The following JHY variants were observed in gnomAD, a reference collection of about 807,000 sequenced individuals.
The protein encoded by JHY is jhy protein homolog.
In JHY, 69 loss-of-function variants were observed where a neutral mutation model predicts 78.0. The ratio of observed to expected loss-of-function variants is 0.88; its 90% CI spans 0.73 to 1.08. The LOEUF is 1.08. Ranked by LOEUF, JHY falls within the 50% of genes least tolerant of loss-of-function variation. JHY has a pLI of 0.00. For missense variants in JHY, 944 were observed against 927.8 expected (o/e 1.02, Z -0.23); for synonymous variants, 368 against 342.6 (o/e 1.07, Z -0.82).
chr11:122,941,659 A>G (rs1454669936), intron 5 of JHY, among the ~76,000 whole-genome samples: 3 of 152,196 alleles, frequency 2.0e-5, no homozygotes, highest in Admixed American at 2.0e-4. Flanking sequence ...ACATACAGTT[A>G]AATTCATTTG....
intron 2 of JHY, among the ~76,000 whole-genome samples, chr11:122,889,814 A>C (rs556011244): frequency 2.0e-5 from 3 of 152,164 alleles, no homozygotes; most frequent in Non-Finnish European, 4.4e-5. Context: ...GCTAGAGTGA[A>C]GTGGCACGAT....
chr11:122,907,939 C>G lies in JHY; in HGVS notation c.864+3495C>G, dbSNP rs909347459. 4.7e-5 allele frequency among the ~76,000 whole-genome samples: 7 copies of G among 149,136 alleles called. No homozygotes were observed. The East Asian group carries it at 1.4e-3, about 30-fold the overall frequency. On this transcript the variant is annotated intron_variant, in intron 3 of 8. Coordinates refer to ENST00000227349, the MANE Select transcript of JHY (RefSeq NM_024806.4). ...TTTCTTTTTTGTTTTTTTTATAAAA[C>G]TCCTTGAGTATTTCTAATGTGAAGC...
At chr11:122,953,032 TTGTGGC>T (rs1222450483) in intron 6 of JHY, among the ~76,000 whole-genome samples, 1 of 152,248 alleles carries the variant, frequency 6.6e-6, no homozygotes, top group African/African-American at 2.4e-5. Flanking sequence ...AAGAGCAATC[TTGTGGC>T]TCCATTGTTA....
intron 3 of JHY, among the ~76,000 whole-genome samples, chr11:122,914,508 G>A (rs532420736): frequency 1.3e-5 from 2 of 152,082 alleles, no homozygotes; most frequent in East Asian, 1.9e-4. Flanking sequence ...GCAGTGATGC[G>A]ATCTCCGCTC....
At chr11:122,899,559 A>T (rs1230185263) in intron 2 of JHY, among the ~76,000 whole-genome samples, 1 of 152,202 alleles carries the variant, frequency 6.6e-6, no homozygotes, top group Non-Finnish European at 1.5e-5. Context: ...TTAGAAAAGG[A>T]GTTATTTATT....
intron 4 of JHY, among the ~76,000 whole-genome samples, chr11:122,931,885 A>T (rs540981330): frequency 1.3e-5 from 2 of 152,336 alleles, no homozygotes; most frequent in South Asian, 4.1e-4. Flanking sequence ...GCATTAATTA[A>T]TAACTAAGGA....
At chr11:122,905,299 T>C (rs74695569) in intron 3 of JHY, 66,733 of 1,609,884 alleles carry the variant, frequency 0.041, 3,582 homozygotes, top group East Asian at 0.24. Context: ...TGTCCAGGGA[T>C]ACAGGACAAG....
Position 122,961,149 on chromosome 11 carries a change from A to C in JHY, c.*1704A>C. On this transcript the variant is annotated 3_prime_UTR_variant, in exon 9 of 9. Transcript: ENST00000227349. ...TGACTGACTAAATGGAAACTAGGCT[A>C]TGTGGCAAAATCTTTCTGTATTGCC... The C allele has an allele frequency of 1.2e-5, 8 of 649,064 alleles. No individual in the cohort carries two copies. The highest frequency in any genetic ancestry group is 1.9e-5 in the Non-Finnish European group (7 of 367,624). 40.2% of individuals were successfully genotyped at this position (649,064 alleles called of 1,614,324 possible).
intron 3 of JHY, among the ~76,000 whole-genome samples, chr11:122,914,672 T>C (rs1457571536): frequency 6.6e-6 from 1 of 152,062 alleles, no homozygotes; most frequent in Non-Finnish European, 1.5e-5. Flanking sequence ...CTCGAACTCC[T>C]GACCTCATGA....
chr11:122,915,386 A>G (rs1336035448), intron 3 of JHY, among the ~76,000 whole-genome samples: 1 of 152,248 alleles, frequency 6.6e-6, no homozygotes, highest in Non-Finnish European at 1.5e-5. Context: ...CTAGTATCAG[A>G]TAAGGTCCCC....
chr11:122,918,302 G>A (rs1187133775), intron 3 of JHY, among the ~76,000 whole-genome samples: 2 of 151,530 alleles, frequency 1.3e-5, no homozygotes, highest in Non-Finnish European at 2.9e-5. Context: ...GCCTCCTGAG[G>A]AAGGAGATGG....
rs770569799 is a variant in JHY at position 122,934,915 on chromosome 11, G to T, written c.1474G>T (p.Asp492Tyr). The T allele has an allele frequency of 6.2e-7, 1 of 1,614,054 alleles. No homozygotes were observed. Among genetic ancestry groups the T allele is most frequent in the Non-Finnish European group, 8.5e-7 (1 of 1,180,010 alleles). ...YQQLHTLSDMDLNNLNELSKR... is the reference protein window; with the variant it reads ...YQQLHTLSDMYLNNLNELSKR... Reference sequence around the variant, plus strand: ...GCAGCTACACACCCTTTCTGACATGGATTTGAACAACCTTAATGAACTTTC... The same window carrying T: ...GCAGCTACACACCCTTTCTGACATGTATTTGAACAACCTTAATGAACTTTC... Residue 492 changes from aspartate (D) to tyrosine (Y), a missense_variant, in exon 5 of 9, where the codon GAT (aspartate) becomes TAT (tyrosine). By Grantham distance (160) the Asp-to-Tyr change is radical (BLOSUM62 -3). Transcript: ENST00000227349.
chr11:122,925,198 G>A (rs1484897221), intron 4 of JHY, among the ~76,000 whole-genome samples, 188 bp downstream of exon 4: 1 of 152,150 alleles, frequency 6.6e-6, no homozygotes, highest in African/African-American at 2.4e-5. Context: ...AACCCTACCT[G>A]TTTTTCCAAG....
chr11:122,912,629 C>T (rs534947233), intron 3 of JHY, among the ~76,000 whole-genome samples: 15 of 152,144 alleles, frequency 9.9e-5, no homozygotes, highest in African/African-American at 3.6e-4. Context: ...GTAGTCCCAG[C>T]TACTCCAGAG....
chr11:122,887,972 C>T (rs903874810), intron 2 of JHY, among the ~76,000 whole-genome samples: 17 of 152,022 alleles, frequency 1.1e-4, no homozygotes, highest in South Asian at 4.2e-4. Flanking sequence ...TGCAAGGGCT[C>T]GTGTGGGAGC....
intron 2 of JHY, 110 bp from the exon 3 acceptor site, chr11:122,903,815 A>G (rs1314286369): frequency 2.1e-6 from 3 of 1,406,776 alleles, no homozygotes; most frequent in Non-Finnish European, 2.9e-6. Context: ...TAATAAAAGG[A>G]AAACTATAGG....
At chr11:122,885,018 C>T (rs972050409) in intron 1 of JHY, among the ~76,000 whole-genome samples, 4 of 150,754 alleles carry the variant, frequency 2.7e-5, no homozygotes, top group Admixed American at 6.6e-5. Context: ...CCATGTTGCC[C>T]GGGGTGGTCT....
chr11:122,928,991 C>T (rs978895149), intron 4 of JHY, among the ~76,000 whole-genome samples: 2 of 151,866 alleles, frequency 1.3e-5, no homozygotes, highest in Admixed American at 1.3e-4. Flanking sequence ...GTTACCCAGG[C>T]TGGAGTGCAA....
At chr11:122,945,660 T>A (rs1052689602) in intron 5 of JHY, among the ~76,000 whole-genome samples, 4 of 152,240 alleles carry the variant, frequency 2.6e-5, no homozygotes, top group African/African-American at 9.6e-5. Context: ...TTGTATTTGC[T>A]TCTGCCAGAT....
Sources: allele counts gnomAD v4.1 joint callset (sites outside exome capture counted in the v4.1 genomes callset), GRCh38; gene constraint gnomAD v4.1.1; transcripts MANE v1.5; gene names NCBI Gene and HGNC (gene_info 2026-07-23, HGNC 2026-07-21).